Variants in TMCO6 observed in about 807,000 individuals in gnomAD.
TMCO6 encodes the protein transmembrane and coiled-coil domains 6.
A neutral mutation model predicts 61.8 loss-of-function variants in TMCO6; 47 were observed. The observed-to-expected ratio is 0.76, with a 90% CI of 0.60 to 0.97. The LOEUF (loss-of-function observed/expected upper bound fraction) is 0.97, where lower values mean the gene tolerates loss of function less well. TMCO6 is among the 50% of genes least tolerant of loss of function. The pLI is 0.00. For missense variants in TMCO6, 557 were observed against 601.6 expected, an observed-to-expected ratio of 0.93 and a Z score of 0.78; for synonymous variants, 261 against 254.2, an observed-to-expected ratio of 1.03 and a Z score of -0.25.
the TMCO6 span, chr5:140,609,337 C>A: frequency 4.0e-6 from 1 of 250,186 alleles, no homozygotes. Flanking sequence ...TCTGTGCCAA[C>A]AGGAAGCAGG....
the TMCO6 span, chr5:140,633,515 C>T: frequency 2.4e-5 from 6 of 247,370 alleles, no homozygotes; most frequent in East Asian, 3.5e-4. Flanking sequence ...ACTATCCAAC[C>T]CCCCAATCCC....
chr5:140,641,455 A>T (rs1445045142), intron 2 of TMCO6: 1 of 571,332 alleles, frequency 1.8e-6, no homozygotes, highest in African/African-American at 1.9e-5. Context: ...TTCAGGTCCC[A>T]TATGGAGTAA....
At position 140,644,852 on chromosome 5, in the gene TMCO6, T is replaced by G. The variant is rs1757300954; in HGVS notation, c.1368+112T>G. Reference sequence around the variant, plus strand: ...TTTCTCTGGGCCTGGCTAACCTATATAGGTTCCATGTCAGAAACTTCATCC... The same window carrying G: ...TTTCTCTGGGCCTGGCTAACCTATAGAGGTTCCATGTCAGAAACTTCATCC... On this transcript the variant is annotated intron_variant, in intron 11 of 11. Transcript: ENST00000394671. 4.6e-6 allele frequency: 7 copies of G among 1,516,740 alleles called. No individual in the cohort carries two copies. The East Asian group carries it at 1.6e-4, about 34-fold the overall frequency. The allele number at this position is 1,516,740 out of a possible 1,614,324, so 94.0% of individuals were successfully genotyped here. A position where few individuals can be genotyped will look rare whatever the true frequency, so the allele number is the denominator to read the frequency against.
chr5:140,622,258 C>T, the TMCO6 span, among the ~76,000 whole-genome samples: 1 of 152,154 alleles, frequency 6.6e-6, no homozygotes, highest in Admixed American at 6.5e-5. Flanking sequence ...CTGGCCGACG[C>T]TTAAGGAAAA....
chr5:140,620,145 T>C, the TMCO6 span, among the ~76,000 whole-genome samples: 5,016 of 152,278 alleles, frequency 0.033, 115 homozygotes, highest in Non-Finnish European at 0.049. Flanking sequence ...CTTTAGTAGG[T>C]GAATGTATAA....
chr5:140,600,702 A>G, the TMCO6 span, among the ~76,000 whole-genome samples: 2 of 152,090 alleles, frequency 1.3e-5, no homozygotes, highest in Admixed American at 6.5e-5. Flanking sequence ...TGACCTCATG[A>G]TCCACCTGCC....
chr5:140,641,699 CAG>C lies in TMCO6; in HGVS notation c.236_237del (p.Glu79GlyfsTer19). The C allele has an allele frequency of 1.2e-6, 2 of 1,614,128 alleles. No homozygotes were observed. The highest frequency in any genetic ancestry group is 1.3e-5 in the African/African-American group (1 of 75,028). ...TTCCTGCGGCAAGCCCAGCGGGGGACAGAGGAAAAGGAGAGAGAGGGGGCTCT... is the reference window on the plus strand; with the variant it reads ...TTCCTGCGGCAAGCCCAGCGGGGGACAGGAAAAGGAGAGAGAGGGGGCTCT... On this transcript the variant is annotated frameshift_variant, in exon 3 of 12. Coordinates refer to ENST00000394671, the MANE Select transcript of TMCO6 (RefSeq NM_018502.5). LOFTEE classifies it high-confidence loss of function.
chr5:140,641,554 C>G, intron 2 of TMCO6, 111 bp from the exon 3 acceptor site: 1 of 830,698 alleles, frequency 1.2e-6, no homozygotes. Flanking sequence ...GTGTGAATGA[C>G]AAGTTCTGAA....
the TMCO6 span, among the ~76,000 whole-genome samples, chr5:140,630,285 C>T: frequency 6.6e-6 from 1 of 151,618 alleles, no homozygotes; most frequent in African/African-American, 2.4e-5. Flanking sequence ...AGCCACCACA[C>T]CTGGCCCAGA....
chr5:140,640,516 C>G (rs915027839), intron 2 of TMCO6, among the ~76,000 whole-genome samples: 1 of 151,934 alleles, frequency 6.6e-6, no homozygotes, highest in African/African-American at 2.4e-5. Context: ...AGCGATTCTC[C>G]TGCCTCAGCC....
At chr5:140,632,554 G>A in the TMCO6 span, 1 of 1,614,162 alleles carries the variant, frequency 6.2e-7, no homozygotes, top group Non-Finnish European at 8.5e-7. The surrounding 1 kb of genome is among the most constrained non-coding windows in gnomAD (Gnocchi z 6.2). Flanking sequence ...AAGCTGGAAA[G>A]TGCAAGTCCT....
At chr5:140,596,896 GTAA>G in the TMCO6 span, among the ~76,000 whole-genome samples, 1 of 152,184 alleles carries the variant, frequency 6.6e-6, no homozygotes, top group Non-Finnish European at 1.5e-5. Context: ...CTTTCTGTAA[GTAA>G]TAAAACTACT....
chr5:140,613,053 A>T, the TMCO6 span, among the ~76,000 whole-genome samples: 2 of 152,198 alleles, frequency 1.3e-5, no homozygotes, highest in African/African-American at 2.4e-5. Flanking sequence ...TCTGATAGAG[A>T]TAAATGCTGT....
At chr5:140,623,814 C>T in the TMCO6 span, among the ~76,000 whole-genome samples, 1 of 152,144 alleles carries the variant, frequency 6.6e-6, no homozygotes, top group Non-Finnish European at 1.5e-5. Context: ...CTCCTGACCT[C>T]AAGTGATCCT....
chr5:140,647,257 G>A, downstream of TMCO6: 1 of 1,544,286 alleles, frequency 6.5e-7, no homozygotes, highest in Middle Eastern at 1.8e-4. Context: ...CGCACTCACC[G>A]TAGCGGGCCC....
the TMCO6 span, chr5:140,632,125 C>T: frequency 1.2e-6 from 2 of 1,614,194 alleles, no homozygotes; most frequent in Non-Finnish European, 1.7e-6. This position sits in a 1 kb window ranked among gnomAD's most constrained non-coding sequence, Gnocchi z 6.2. Context: ...TGTTCCAGCC[C>T]AGCGAACGAC....
At position 140,642,959 on chromosome 5, in the gene TMCO6, C is replaced by G; in HGVS notation, c.724C>G (p.Leu242Val). The G allele has an allele frequency of 2.5e-6, 4 of 1,614,202 alleles. No homozygotes were observed. Among genetic ancestry groups the G allele is most frequent in the Non-Finnish European group, 3.4e-6 (4 of 1,180,026 alleles). The stretch of plus-strand genomic sequence containing the variant: ...GGCCTCCACTCTCCCTCAGCACATG[C>G]TACAAATGTTGCAACCTGGCCCAAA... ...ILASTLPQHM[L>V]QMLQPGPKLN... The change falls in exon 7 of 12, where the codon CTA becomes GTA. Residue 242 changes from leucine (L) to valine (V), a missense_variant. Leu to Val is a conservative substitution (Grantham distance 32). Transcript: ENST00000394671.
chr5:140,640,237 A>G (rs1315713884), intron 2 of TMCO6, among the ~76,000 whole-genome samples: 3 of 152,114 alleles, frequency 2.0e-5, no homozygotes, highest in Non-Finnish European at 4.4e-5. Flanking sequence ...AAAGCATAGC[A>G]TGGTCTAGCC....
upstream of TMCO6, among the ~76,000 whole-genome samples, chr5:140,634,698 C>T (rs186291587): frequency 7.6e-4 from 115 of 152,100 alleles, 1 homozygote; most frequent in African/African-American, 2.6e-3. Flanking sequence ...GTTGACCAGG[C>T]ACTCCTGACC....
Sources: allele counts gnomAD v4.1 joint callset (sites outside exome capture counted in the v4.1 genomes callset), GRCh38; gene constraint gnomAD v4.1.1; non-coding constraint Gnocchi (gnomAD v3.1); transcripts MANE v1.5; gene names NCBI Gene and HGNC (gene_info 2026-07-23, HGNC 2026-07-21).